Variants in KCNIP1 observed in about 807,000 individuals in gnomAD.
KCNIP1 encodes A-type potassium channel modulatory protein KCNIP1.
KCNIP1 carries 18 observed loss-of-function variants against 33.0 expected under a neutral mutation model. The observed-to-expected ratio is 0.55, with a 90% confidence interval of 0.38 to 0.81. The LOEUF (loss-of-function observed/expected upper bound fraction) is 0.81, where lower values mean the gene tolerates loss of function less well. KCNIP1 is among the 30% of genes least tolerant of loss of function. The pLI is 0.00. For synonymous variants in KCNIP1, 93 were observed against 98.3 expected (o/e 0.95, Z 0.32); for missense variants, 238 against 271.6 (o/e 0.88, Z 0.87).
intron 1 of KCNIP1, among the ~76,000 whole-genome samples, chr5:170,666,849 G>A (rs916726916): frequency 3.3e-5 from 5 of 152,208 alleles, no homozygotes; most frequent in Non-Finnish European, 7.3e-5. Flanking sequence ...AGGCCAAGAG[G>A]CCAGGAGCCA....
At chr5:170,420,354 G>T (rs948881770) in intron 1 of KCNIP1, 1 of 152,016 alleles carries the variant, frequency 6.6e-6, no homozygotes, top group Admixed American at 6.6e-5. Flanking sequence ...TCTTCTTTAT[G>T]ATTTCTCGTA....
chr5:170,730,654 G>A (rs1764162734), intron 5 of KCNIP1, among the ~76,000 whole-genome samples: 1 of 152,184 alleles, frequency 6.6e-6, no homozygotes, highest in Non-Finnish European at 1.5e-5. Context: ...TATCTGTTGA[G>A]GGCACCTCAG....
intron 1 of KCNIP1, among the ~76,000 whole-genome samples, chr5:170,403,046 G>A (rs1437755183): frequency 1.3e-5 from 2 of 152,152 alleles, no homozygotes; most frequent in Admixed American, 6.5e-5. Flanking sequence ...CTATATGCGT[G>A]CCAGGAACAT....
intron 5 of KCNIP1, among the ~76,000 whole-genome samples, chr5:170,723,610 T>C (rs1255081604): frequency 6.6e-6 from 1 of 152,074 alleles, no homozygotes; most frequent in Non-Finnish European, 1.5e-5. Context: ...CATTCCTCAT[T>C]CATTTAGTCA....
chr5:170,613,438 T>C (rs548848795), intron 1 of KCNIP1, among the ~76,000 whole-genome samples: 1 of 152,290 alleles, frequency 6.6e-6, no homozygotes, highest in African/African-American at 2.4e-5. Flanking sequence ...CAAAACTCCA[T>C]TAATAGGTAC....
chr5:170,552,932 C>A lies in KCNIP1; in HGVS notation c.61+48299C>A, dbSNP rs150542981. On this transcript the variant is annotated intron_variant, in intron 1 of 7. Transcript: ENST00000328939. ...ACTCCCTGAGACTCAGCCCTCCTCT[C>A]CCGCAGGACCCCAGCAGCCAGCCTT... Among the ~76,000 whole-genome samples the A allele has an allele frequency of 6.2e-3, 937 of 152,344 alleles. 15 individuals are homozygous for A. Among genetic ancestry groups the A allele is most frequent in the African/African-American group, 0.021 (878 of 41,586 alleles).
intron 1 of KCNIP1, among the ~76,000 whole-genome samples, chr5:170,596,092 T>C (rs1758430990): frequency 6.6e-6 from 1 of 152,218 alleles, no homozygotes; most frequent in Non-Finnish European, 1.5e-5. Flanking sequence ...AGGGCCTTTA[T>C]AACGGGGCTT....
intron 1 of KCNIP1, among the ~76,000 whole-genome samples, chr5:170,405,978 C>T (rs1346884147): frequency 6.6e-6 from 1 of 152,194 alleles, no homozygotes. Flanking sequence ...ATACCTCTCC[C>T]CTGCCCGTTT....
At chr5:170,435,482 G>T (rs1210783465) in intron 1 of KCNIP1, among the ~76,000 whole-genome samples, 1 of 152,250 alleles carries the variant, frequency 6.6e-6, no homozygotes, top group African/African-American at 2.4e-5. Context: ...CTCATCTGGA[G>T]AGCGGGGCTG....
rs1756092653 is a variant in KCNIP1 at position 170,538,875 on chromosome 5, G to A, written c.61+34242G>A. Among the ~76,000 whole-genome samples the A allele has an allele frequency of 2.0e-5, 3 of 151,876 alleles. No individual in the cohort carries two copies. In the East Asian group the frequency reaches 6.0e-4, roughly 30 times the overall value. ...TAATTGAACCAATATTATTCAATGA[G>A]TCCATTTCTGGCCACTCCTTCTCAG... is the stretch of plus-strand genomic sequence containing the variant. On this transcript the variant is annotated intron_variant, in intron 1 of 7. Coordinates refer to ENST00000328939, the MANE Select transcript of KCNIP1 (RefSeq NM_014592.4).
In KCNIP1 at chr5:170,707,567, A is replaced by G. The variant is rs1432561774; in HGVS notation, c.62-11191A>G. On this transcript the variant is annotated intron_variant, in intron 1 of 7. Coordinates refer to ENST00000328939, the MANE Select transcript of KCNIP1 (RefSeq NM_014592.4). ...TTTTAATAATTGCATTACATTTGTG[A>G]CCATTAATTTCCACCATCGCCCTGC... 2.0e-5 allele frequency among the ~76,000 whole-genome samples: 3 copies of G among 152,348 alleles called. No individual in the cohort carries two copies. The East Asian group carries it at 5.8e-4, about 29-fold the overall frequency.
intron 1 of KCNIP1, among the ~76,000 whole-genome samples, chr5:170,366,697 T>G (rs1414894783): frequency 6.6e-6 from 1 of 152,172 alleles, no homozygotes; most frequent in Non-Finnish European, 1.5e-5. Context: ...GGAACACCCT[T>G]GAGTAAGCTA....
intron 1 of KCNIP1, among the ~76,000 whole-genome samples, chr5:170,545,855 C>G (rs1321429039): frequency 6.6e-6 from 1 of 152,162 alleles, no homozygotes; most frequent in African/African-American, 2.4e-5. Flanking sequence ...TGTTAGCTTT[C>G]TTTTTCTCTT....
intron 1 of KCNIP1, among the ~76,000 whole-genome samples, chr5:170,622,622 CAA>C (rs371896008): frequency 1.1e-4 from 11 of 103,702 alleles, no homozygotes; most frequent in Non-Finnish European, 1.0e-4. Flanking sequence ...GACTCTGTCT[CAA>C]AAAAAAAAAA....
intron 1 of KCNIP1, among the ~76,000 whole-genome samples, chr5:170,598,108 G>T (rs906933607): frequency 2.6e-5 from 4 of 152,140 alleles, no homozygotes; most frequent in Admixed American, 1.3e-4. Context: ...GCTGTCTCTA[G>T]CCCTTCAATC....
chr5:170,601,800 C>T (rs1400635138), intron 1 of KCNIP1, among the ~76,000 whole-genome samples: 4 of 152,176 alleles, frequency 2.6e-5, no homozygotes, highest in Non-Finnish European at 5.9e-5. Flanking sequence ...AGGCATCGAG[C>T]ATGGTAAGGG....
intron 1 of KCNIP1, among the ~76,000 whole-genome samples, chr5:170,431,738 C>T (rs1402772006): frequency 6.6e-6 from 1 of 152,234 alleles, no homozygotes; most frequent in African/African-American, 2.4e-5. Context: ...CTCCCCAGAC[C>T]TGGTGCAAGG....
intron 1 of KCNIP1, among the ~76,000 whole-genome samples, chr5:170,558,342 A>G (rs988403087): frequency 1.3e-5 from 2 of 152,272 alleles, no homozygotes; most frequent in African/African-American, 4.8e-5. Flanking sequence ...GTTCAAGACC[A>G]GCCTGAGCAA....
chr5:170,464,641 G>A (rs529018731), intron 1 of KCNIP1, among the ~76,000 whole-genome samples: 19 of 152,278 alleles, frequency 1.2e-4, no homozygotes, highest in Middle Eastern at 3.4e-3. Flanking sequence ...AATTGCTTGA[G>A]GTCAGAGAGC....
Sources: allele counts gnomAD v4.1 joint callset (sites outside exome capture counted in the v4.1 genomes callset), GRCh38; gene constraint gnomAD v4.1.1; transcripts MANE v1.5; gene names NCBI Gene and HGNC (gene_info 2026-07-23, HGNC 2026-07-21).